The following COL25A1 variants were observed in gnomAD, a reference collection of about 807,000 sequenced individuals.
The protein encoded by COL25A1 is collagen alpha-1(XXV) chain.
Under a neutral mutation model 128.4 loss-of-function variants are expected in COL25A1, and 103 were observed. The observed-to-expected ratio is 0.80, with a 90% CI of 0.68 to 0.94. The LOEUF (loss-of-function observed/expected upper bound fraction) is 0.94. COL25A1 is among the 40% of genes least tolerant of loss of function. COL25A1 has a pLI of 0.00. For synonymous variants in COL25A1, 279 were observed against 277.2 expected (o/e 1.01, Z -0.06); for missense variants, 745 against 840.0 (o/e 0.89, Z 1.40).
intron 6 of COL25A1, among the ~76,000 whole-genome samples, chr4:109,001,742 T>C (rs1755435996): frequency 6.6e-6 from 1 of 152,208 alleles, no homozygotes; most frequent in Non-Finnish European, 1.5e-5. Flanking sequence ...GTTTAAGGTC[T>C]CCATTGAACC....
At chr4:109,109,398 C>A (rs1022396864) in intron 3 of COL25A1, among the ~76,000 whole-genome samples, 1 of 152,114 alleles carries the variant, frequency 6.6e-6, no homozygotes, top group Non-Finnish European at 1.5e-5. Context: ...TGTCTACCAC[C>A]ATCTTTGTAT....
chr4:109,182,153 T>G (rs1774714024), intron 3 of COL25A1, among the ~76,000 whole-genome samples: 2 of 152,146 alleles, frequency 1.3e-5, no homozygotes, highest in Admixed American at 1.3e-4. Flanking sequence ...AATGCTGAGA[T>G]GAACATGGAA....
chr4:109,218,639 G>A (rs899918601), intron 3 of COL25A1, among the ~76,000 whole-genome samples: 1 of 151,754 alleles, frequency 6.6e-6, no homozygotes, highest in Non-Finnish European at 1.5e-5. Flanking sequence ...CCAATGAACT[G>A]CTTTTGAACA....
At chr4:108,980,954 T>C (rs2125996487) in intron 6 of COL25A1, among the ~76,000 whole-genome samples, 1 of 152,332 alleles carries the variant, frequency 6.6e-6, no homozygotes, top group South Asian at 2.1e-4. Flanking sequence ...GTTTTTCTCT[T>C]GTACAACTAG....
At chr4:109,280,658 T>C (rs965957406) in intron 3 of COL25A1, among the ~76,000 whole-genome samples, 1 of 151,188 alleles carries the variant, frequency 6.6e-6, no homozygotes, top group Admixed American at 6.6e-5. Flanking sequence ...TTGTTTTGTT[T>C]TGTTTTTTTT....
chr4:109,155,201 A>G (rs1313622807), intron 3 of COL25A1, among the ~76,000 whole-genome samples: 1 of 152,200 alleles, frequency 6.6e-6, no homozygotes, highest in Non-Finnish European at 1.5e-5. Context: ...TGTTGCTTCT[A>G]CTATTCAGAA....
chr4:109,232,428 T>C lies in COL25A1; in HGVS notation c.367+68155A>G, dbSNP rs573254887. Among the ~76,000 whole-genome samples the C allele has an allele frequency of 2.6e-4, 39 of 152,328 alleles. 1 individual carries two copies. Among genetic ancestry groups the C allele is most frequent in the South Asian group, 8.3e-4 (4 of 4,830 alleles). On this transcript the variant is annotated intron_variant, in intron 3 of 37. Coordinates refer to ENST00000399132, the MANE Select transcript of COL25A1 (RefSeq NM_198721.4). The stretch of plus-strand genomic sequence containing the variant: ...ACTCCTATAAATTGTGGCTGAAATT[T>C]TGATTCACCTTTATAACATATAGAG...
chr4:109,225,133 G>C (rs972361902), intron 3 of COL25A1, among the ~76,000 whole-genome samples: 9 of 152,160 alleles, frequency 5.9e-5, no homozygotes, highest in African/African-American at 2.2e-4. Context: ...ATGAGGGTTA[G>C]ACTTTCCAAT....
At chr4:108,989,085 A>G (rs1392169863) in intron 6 of COL25A1, among the ~76,000 whole-genome samples, 1 of 152,210 alleles carries the variant, frequency 6.6e-6, no homozygotes, top group Non-Finnish European at 1.5e-5. Flanking sequence ...TGTTCACCAC[A>G]AAGACTTGGT....
intron 3 of COL25A1, among the ~76,000 whole-genome samples, chr4:109,244,375 T>C (rs1440171303): frequency 3.3e-5 from 5 of 152,112 alleles, no homozygotes; most frequent in Non-Finnish European, 5.9e-5. Flanking sequence ...AAGTGTCACT[T>C]TGTAGGCCTT....
intron 37 of COL25A1, among the ~76,000 whole-genome samples, chr4:108,816,433 AT>A (rs1323786388): frequency 6.6e-6 from 1 of 152,008 alleles, no homozygotes; most frequent in Non-Finnish European, 1.5e-5. Context: ...AAATTTCAAA[AT>A]GATTGAAGCA....
At chr4:109,031,371 C>T (rs2125915608) in intron 5 of COL25A1, among the ~76,000 whole-genome samples, 1 of 152,262 alleles carries the variant, frequency 6.6e-6, no homozygotes, top group South Asian at 2.1e-4. Flanking sequence ...CCGCCTCGGC[C>T]TCCCAAAGTG....
chr4:109,286,634 G>A (rs186454078), intron 3 of COL25A1, among the ~76,000 whole-genome samples: 2 of 152,248 alleles, frequency 1.3e-5, no homozygotes, highest in Non-Finnish European at 1.5e-5. Context: ...TCTTGGTTAT[G>A]GAAGCCAAGG....
intron 5 of COL25A1, among the ~76,000 whole-genome samples, chr4:109,014,169 TG>T (rs1425309409): frequency 7.2e-5 from 11 of 152,068 alleles, no homozygotes; most frequent in Non-Finnish European, 1.2e-4. Flanking sequence ...TAGCTGGGCG[TG>T]GTGGCACGCA....
intron 8 of COL25A1, among the ~76,000 whole-genome samples, chr4:108,966,009 T>G (rs767463716): frequency 1.3e-5 from 2 of 152,200 alleles, no homozygotes; most frequent in Non-Finnish European, 2.9e-5. Context: ...TTTTTAAGAC[T>G]GGTGTGATAA....
At chr4:109,240,496 G>A (rs1278627646) in intron 3 of COL25A1, among the ~76,000 whole-genome samples, 1 of 152,012 alleles carries the variant, frequency 6.6e-6, no homozygotes, top group South Asian at 2.1e-4. Flanking sequence ...ATTAATATAT[G>A]TCTAAAATCT....
chr4:108,965,926 G>T (rs1405621509), intron 8 of COL25A1, among the ~76,000 whole-genome samples: 1 of 152,108 alleles, frequency 6.6e-6, no homozygotes, highest in Non-Finnish European at 1.5e-5. Flanking sequence ...TCATCCATCT[G>T]GTTATCCTGA....
intron 3 of COL25A1, among the ~76,000 whole-genome samples, chr4:109,211,068 G>A (rs779624213): frequency 4.6e-5 from 7 of 151,586 alleles, no homozygotes; most frequent in Non-Finnish European, 8.8e-5. Context: ...ACTACCTATC[G>A]GGTACTATGC....
In COL25A1 at chr4:108,892,790, T is replaced by C. The variant is rs1261994483; in HGVS notation, c.907-3057A>G. Reference sequence around the variant, plus strand: ...GAATTATAAAGAGTGCTGTGGAGAATATAGCAGGTGACCTACCTAATCCAG... The same window carrying C: ...GAATTATAAAGAGTGCTGTGGAGAACATAGCAGGTGACCTACCTAATCCAG... On this transcript the variant is annotated intron_variant, in intron 16 of 37. Coordinates refer to ENST00000399132, the MANE Select transcript of COL25A1 (RefSeq NM_198721.4). 2.0e-5 allele frequency among the ~76,000 whole-genome samples: 3 copies of C among 152,134 alleles called. No homozygotes were observed. In the East Asian group the frequency reaches 5.8e-4, roughly 29 times the overall value.
Sources: gnomAD v4.1 joint callset for allele counts (sites outside exome capture counted in the v4.1 genomes callset) on GRCh38, gnomAD v4.1.1 for gene constraint, MANE v1.5 for transcripts, NCBI Gene and HGNC (gene_info 2026-07-23, HGNC 2026-07-21) for gene names.